Variants in TSPAN9 observed in about 807,000 individuals in gnomAD.
TSPAN9 encodes tetraspanin-9.
In TSPAN9, 16 loss-of-function variants were observed where a neutral mutation model predicts 31.0. The observed-to-expected ratio is 0.52, with a 90% CI of 0.35 to 0.78. TSPAN9 has a LOEUF of 0.78. Among genes scored for constraint, TSPAN9 ranks in the 30% least tolerant of loss-of-function variants. The pLI, the probability that TSPAN9 is intolerant of heterozygous loss-of-function variation, is 0.01. For synonymous variants in TSPAN9, 145 were observed against 121.6 expected (o/e 1.19, Z -1.27); for missense variants, 272 against 312.5 (o/e 0.87, Z 0.98).
rs371841608 is a variant in TSPAN9, at chr12:3,282,664, G to C, written c.649-381G>C. Reference sequence around the variant, plus strand: ...GCCTCCTAAAGTGCCACCGTGCCCGGCTGGCCTGAGTCCTGAATGATCCCT... The same window carrying C: ...GCCTCCTAAAGTGCCACCGTGCCCGCCTGGCCTGAGTCCTGAATGATCCCT... On this transcript the variant is annotated intron_variant, in intron 8 of 8. Coordinates refer to ENST00000011898, the MANE Select transcript of TSPAN9 (RefSeq NM_006675.5). Among the ~76,000 whole-genome samples the C allele has an allele frequency of 5.6e-4, 86 of 152,284 alleles. 1 individual carries two copies. Among genetic ancestry groups the C allele is most frequent in the African/African-American group, 2.0e-3 (82 of 41,562 alleles).
At position 3,172,716 on chromosome 12, in the gene TSPAN9, T is replaced by A. The variant is rs2098352762; in HGVS notation, c.-17-28461T>A. 6.6e-6 allele frequency: 1 copy of A among 152,222 alleles called. No homozygotes were observed. The highest frequency in any genetic ancestry group is 2.4e-5 in the African/African-American group (1 of 41,414). The allele number at this position is 152,222 out of a possible 1,614,324, so 9.4% of individuals were successfully genotyped here. A position where few individuals can be genotyped will look rare whatever the true frequency, so the allele number is the denominator to read the frequency against. ...TTCGTTGACCAGCTCTTGTACTAGATCCATCAGCAATGTCGCTTAGCGAGG... is the reference window on the plus strand; with the variant it reads ...TTCGTTGACCAGCTCTTGTACTAGAACCATCAGCAATGTCGCTTAGCGAGG... On this transcript the variant is annotated intron_variant, in intron 2 of 8. Transcript: ENST00000011898. The surrounding 1 kb of genome is among the most constrained non-coding windows in gnomAD (Gnocchi z 4.8).
chr12:3,264,088 G>A (rs1332242625), intron 3 of TSPAN9, among the ~76,000 whole-genome samples: 2 of 152,188 alleles, frequency 1.3e-5, no homozygotes, highest in Admixed American at 6.5e-5. Context: ...GAGCACTTGG[G>A]ACCGTTACTT....
intron 2 of TSPAN9, among the ~76,000 whole-genome samples, chr12:3,132,867 G>A (rs2098330419): frequency 6.6e-6 from 1 of 151,976 alleles, no homozygotes; most frequent in Admixed American, 6.6e-5. Flanking sequence ...GGTAGGTCAG[G>A]GTGAGGACAG....
intron 3 of TSPAN9, among the ~76,000 whole-genome samples, chr12:3,229,856 C>T (rs1253128386): frequency 6.6e-6 from 1 of 152,202 alleles, no homozygotes; most frequent in Admixed American, 6.5e-5. Flanking sequence ...CATGGTTGCA[C>T]CAGCTTCCGT....
chr12:3,268,295 CCTCTGTGTTCCTGCAGCCTGCCCT>C (rs1862580210), intron 3 of TSPAN9, among the ~76,000 whole-genome samples: 1 of 113,684 alleles, frequency 8.8e-6, no homozygotes, highest in Admixed American at 8.9e-5. Context: ...CAGCCTGCCC[CCTCTGTGTTCCTGCAGCCTGCCCT>C]CTCTGTGTTC....
At chr12:3,153,890 C>T (rs890350187) in intron 2 of TSPAN9, among the ~76,000 whole-genome samples, 3 of 150,158 alleles carry the variant, frequency 2.0e-5, no homozygotes, top group Admixed American at 6.7e-5. Context: ...GTATCTCTGT[C>T]TGTTTCTCTG....
chr12:3,111,470 C>A (rs1192855343), intron 2 of TSPAN9, among the ~76,000 whole-genome samples: 1 of 152,148 alleles, frequency 6.6e-6, no homozygotes, highest in African/African-American at 2.4e-5. Context: ...AGAAATTTAT[C>A]ATAAAACTTA....
At chr12:3,245,888 G>C (rs979714988) in intron 3 of TSPAN9, among the ~76,000 whole-genome samples, 2 of 152,012 alleles carry the variant, frequency 1.3e-5, no homozygotes, top group Non-Finnish European at 2.9e-5. Flanking sequence ...CCTTCTGACT[G>C]TGGCGCAGAG....
chr12:3,217,504 C>A (rs925343386), intron 3 of TSPAN9, among the ~76,000 whole-genome samples: 1 of 152,170 alleles, frequency 6.6e-6, no homozygotes, highest in Admixed American at 6.5e-5. Flanking sequence ...TGTCCAGAGG[C>A]CCCGTGTCAT....
intron 2 of TSPAN9, among the ~76,000 whole-genome samples, chr12:3,126,187 A>G (rs1275744956): frequency 1.3e-5 from 2 of 152,294 alleles, no homozygotes; most frequent in Admixed American, 1.3e-4. Context: ...GGGTTAAGGG[A>G]GAGTACTTAC....
intron 2 of TSPAN9, among the ~76,000 whole-genome samples, chr12:3,084,729 G>A (rs994771807): frequency 6.6e-6 from 1 of 152,194 alleles, no homozygotes; most frequent in African/African-American, 2.4e-5. Flanking sequence ...CAAAGGCCCC[G>A]TGGGGTAGCT....
intron 1 of TSPAN9, among the ~76,000 whole-genome samples, chr12:3,080,877 G>A (rs549809073): frequency 7.2e-5 from 11 of 152,234 alleles, no homozygotes; most frequent in South Asian, 2.1e-4. Flanking sequence ...GGAATTAATC[G>A]GGAGAGTTGT....
chr12:3,218,421 G>A (rs1478675668), intron 3 of TSPAN9, among the ~76,000 whole-genome samples: 1 of 152,234 alleles, frequency 6.6e-6, no homozygotes, highest in Non-Finnish European at 1.5e-5. Context: ...CAAAAGGACT[G>A]CCAGGAGGAG....
intron 2 of TSPAN9, among the ~76,000 whole-genome samples, chr12:3,113,769 A>C (rs10848804): frequency 6.6e-6 from 1 of 152,094 alleles, no homozygotes; most frequent in South Asian, 2.1e-4. Context: ...CTGCAGCCTC[A>C]GTGTCCTTTT....
intron 2 of TSPAN9, 155 bp from the exon 3 acceptor site, chr12:3,201,022 C>G: frequency 1.6e-6 from 1 of 642,200 alleles, no homozygotes; most frequent in South Asian, 1.9e-5. Flanking sequence ...GCCGCCCGTT[C>G]GGCCGCGGCT....
At chr12:3,241,701 G>A (rs771401879) in intron 3 of TSPAN9, among the ~76,000 whole-genome samples, 1 of 152,334 alleles carries the variant, frequency 6.6e-6, no homozygotes, top group East Asian at 1.9e-4. Flanking sequence ...GCTCTGAGCC[G>A]TGACAGGCGC....
chr12:3,216,415 C>T (rs2098381432), intron 3 of TSPAN9, among the ~76,000 whole-genome samples: 1 of 152,164 alleles, frequency 6.6e-6, no homozygotes, highest in African/African-American at 2.4e-5. Context: ...ACTCGCTGGT[C>T]AGAGTGGTTG....
intron 2 of TSPAN9, among the ~76,000 whole-genome samples, chr12:3,138,348 C>G (rs1046271093): frequency 6.6e-6 from 1 of 152,112 alleles, no homozygotes; most frequent in African/African-American, 2.4e-5. Flanking sequence ...CATTCACCAC[C>G]TCCCGGAGTC....
chr12:3,132,757 G>A (rs1408582903), intron 2 of TSPAN9, among the ~76,000 whole-genome samples: 4 of 152,116 alleles, frequency 2.6e-5, no homozygotes, highest in Non-Finnish European at 5.9e-5. Flanking sequence ...TCTGAAAGGC[G>A]CCACCCCTCC....
Sources: allele counts gnomAD v4.1 joint callset (sites outside exome capture counted in the v4.1 genomes callset), GRCh38; gene constraint gnomAD v4.1.1; non-coding constraint Gnocchi (gnomAD v3.1); transcripts MANE v1.5; gene names NCBI Gene and HGNC (gene_info 2026-07-23, HGNC 2026-07-21).